The following EPB42 variants were observed in gnomAD, a reference collection of about 807,000 sequenced individuals.
EPB42 encodes the protein erythrocyte membrane protein band 4.2, also known as protein 4.2.
EPB42 carries 49 observed loss-of-function variants against 76.9 expected under a neutral mutation model. The observed-to-expected ratio is 0.64, with a 90% CI of 0.51 to 0.81. EPB42 has a LOEUF of 0.81. Ranked by LOEUF, EPB42 falls within the 30% of genes least tolerant of loss-of-function variation. EPB42 has a pLI of 0.00. For missense variants in EPB42, 731 were observed against 867.6 expected, an observed-to-expected ratio of 0.84 and a Z score of 1.98; for synonymous variants, 310 against 338.4, an observed-to-expected ratio of 0.92 and a Z score of 0.92.
intron 1 of EPB42, among the ~76,000 whole-genome samples, chr15:43,220,406 G>C (rs28723492): frequency 1.3e-5 from 2 of 151,992 alleles, no homozygotes; most frequent in Non-Finnish European, 2.9e-5. Flanking sequence ...TCTCTCATTT[G>C]TATCAGTAAG....
intron 7 of EPB42, 58 bp from the exon 8 acceptor site, chr15:43,208,391 C>A: frequency 6.4e-7 from 1 of 1,563,296 alleles, no homozygotes; most frequent in East Asian, 2.2e-5. Context: ...TGAAGAGGTT[C>A]TGGAAATGCA....
At chr15:43,219,950 A>G (rs1048431489) in intron 1 of EPB42, among the ~76,000 whole-genome samples, 10 of 152,042 alleles carry the variant, frequency 6.6e-5, no homozygotes, top group African/African-American at 2.4e-4. Flanking sequence ...GTTTAAAAAA[A>G]AAAAAAAAAA....
intron 2 of EPB42, 68 bp downstream of exon 2, chr15:43,216,200 A>C: frequency 1.3e-6 from 2 of 1,584,094 alleles, no homozygotes; most frequent in Non-Finnish European, 1.7e-6. Flanking sequence ...ATTCCCTAAC[A>C]GGGTGCTGGA....
intron 5 of EPB42, 108 bp downstream of exon 5, chr15:43,210,227 G>C: frequency 1.1e-6 from 1 of 949,902 alleles, no homozygotes; most frequent in Non-Finnish European, 1.7e-6. Context: ...TGGGAGGAGG[G>C]GGCCATTTGT....
At chr15:43,210,296 C>A in intron 5 of EPB42, 39 bp downstream of exon 5, 1 of 1,585,938 alleles carries the variant, frequency 6.3e-7, no homozygotes, top group South Asian at 1.1e-5. Flanking sequence ...GCTTTTTTCT[C>A]ACCCCTGCCC....
chr15:43,208,722 G>C lies in EPB42; in HGVS notation c.886C>G (p.Gln296Glu). 1 of 1,614,214 alleles carries C rather than the reference G, an allele frequency of 6.2e-7. No individual in the cohort carries two copies. Among genetic ancestry groups the C allele is most frequent in the Non-Finnish European group, 8.5e-7 (1 of 1,180,042 alleles). The change falls in exon 7 of 13, where the codon CAG becomes GAG. Residue 296 changes from glutamine (Q) to glutamate (E), a missense_variant. Physicochemically the swap from Gln to Glu is conservative, Grantham distance 29. Transcript: ENST00000441366. ...ATGAGAAGACGCCCACCGGTGCCCT[G>C]TGCTGAGGCAAACGTGGTCACCACG... Reference protein sequence around the residue: ...ARVVTTFASAQGTGGRLLIDE... With the variant: ...ARVVTTFASAEGTGGRLLIDE...
intron 12 of EPB42, among the ~76,000 whole-genome samples, chr15:43,198,912 G>C (rs57287824): frequency 0.046 from 6,947 of 152,264 alleles, 492 homozygotes; most frequent in African/African-American, 0.14. Context: ...GGTGGAAGCC[G>C]CAAGCCTTGG....
At position 43,220,616 on chromosome 15, in the gene EPB42, TC is replaced by T. The variant is rs568365996; in HGVS notation, c.10+199del. The stretch of plus-strand genomic sequence containing the variant: ...CATCACACCACGCTCCACAGCCAGC[TC>T]ACTATCACCTCTACCAGCACCCACC... On this transcript the variant is annotated intron_variant, in intron 1 of 12. Coordinates refer to ENST00000441366, the MANE Select transcript of EPB42 (RefSeq NM_001114134.2). The T allele has an allele frequency of 2.4e-4, 248 of 1,013,004 alleles. No homozygotes were observed. In the African/African-American group the frequency reaches 3.8e-3, roughly 16 times the overall value. 62.8% of individuals were successfully genotyped at this position (1,013,004 alleles called of 1,614,324 possible).
chr15:43,210,139 C>G (rs1020546355), intron 5 of EPB42, among the ~76,000 whole-genome samples, 196 bp downstream of exon 5: 1 of 152,148 alleles, frequency 6.6e-6, no homozygotes, highest in African/African-American at 2.4e-5. Context: ...CATTTCTTTG[C>G]TTTTCTCCCC....
intron 12 of EPB42, among the ~76,000 whole-genome samples, chr15:43,200,697 G>A (rs958121907): frequency 6.6e-6 from 1 of 152,160 alleles, no homozygotes; most frequent in Non-Finnish European, 1.5e-5. Context: ...CTCATGTGCT[G>A]CTGGAGGGAG....
chr15:43,201,671 A>C (rs2042128155), intron 12 of EPB42, among the ~76,000 whole-genome samples, 173 bp downstream of exon 12: 1 of 152,160 alleles, frequency 6.6e-6, no homozygotes, highest in Non-Finnish European at 1.5e-5. Context: ...CCTCCTGCAG[A>C]TATGGTGGTC....
In EPB42 at chr15:43,197,242, CAT is replaced by C. The variant is rs1018474767; in HGVS notation, c.*58_*59del. The C allele has an allele frequency of 9.3e-6, 15 of 1,608,146 alleles. No individual in the cohort carries two copies. Among genetic ancestry groups the C allele is most frequent in the Admixed American group, 1.7e-5 (1 of 59,812 alleles). On this transcript the variant is annotated 3_prime_UTR_variant, in exon 13 of 13. Coordinates refer to ENST00000441366, the MANE Select transcript of EPB42 (RefSeq NM_001114134.2). ...AGACGCAAAGTTTCTCTTCCTAGCACATGTTTGGTTTAGATTGTAGAACAAGG... is the reference window on the plus strand; with the variant it reads ...AGACGCAAAGTTTCTCTTCCTAGCACGTTTGGTTTAGATTGTAGAACAAGG...
chr15:43,204,973 C>CA (rs955272069), intron 10 of EPB42, among the ~76,000 whole-genome samples: 6 of 145,316 alleles, frequency 4.1e-5, no homozygotes, highest in Non-Finnish European at 9.0e-5. Flanking sequence ...CGCCCCCCCC[C>CA]CAAAAAAAAG....
In EPB42 at chr15:43,214,999, C is replaced by A. The variant is rs1221780634; in HGVS notation, c.430+96G>T. 2.8e-6 allele frequency: 3 copies of A among 1,068,718 alleles called. No individual in the cohort carries two copies. The East Asian group carries it at 7.7e-5, about 27-fold the overall frequency. 66.2% of individuals were successfully genotyped at this position (1,068,718 alleles called of 1,614,324 possible). The stretch of plus-strand genomic sequence containing the variant: ...GTGCTGTCCTTAGAGAGGGCTGCCA[C>A]AGGGGCCTGGTGCAGGTGCTCCCTG... On this transcript the variant is annotated intron_variant, in intron 3 of 12. Transcript: ENST00000441366.
chr15:43,203,974 A>G (rs954960467), intron 10 of EPB42, among the ~76,000 whole-genome samples: 2 of 152,332 alleles, frequency 1.3e-5, no homozygotes, highest in Admixed American at 6.5e-5. Context: ...CATATCCCCA[A>G]GCATAGCACT....
intron 8 of EPB42, 136 bp downstream of exon 8, chr15:43,208,094 C>T (rs1310777409): frequency 1.3e-6 from 1 of 747,582 alleles, no homozygotes; most frequent in African/African-American, 1.7e-5. Flanking sequence ...TTTCTGCTGG[C>T]TGCTGTCATG....
chr15:43,209,532 A>T, intron 5 of EPB42, 81 bp from the exon 6 acceptor site: 5 of 1,439,224 alleles, frequency 3.5e-6, no homozygotes, highest in Non-Finnish European at 4.8e-6. Flanking sequence ...AGGGCTCATC[A>T]CAGTACTCCA....
At chr15:43,208,185 CTCTGTGCAGCCCTGCGTGGT>C in intron 8 of EPB42, 25 bp downstream of exon 8, 1 of 1,568,854 alleles carries the variant, frequency 6.4e-7, no homozygotes, top group South Asian at 1.1e-5. Flanking sequence ...GGGACTTCAG[CTCTGTGCAGCCCTGCGTGGT>C]CCTGGACCCA....
upstream of EPB42, among the ~76,000 whole-genome samples, chr15:43,221,833 A>AT (rs1322539069): frequency 1.3e-5 from 2 of 151,484 alleles, no homozygotes; most frequent in East Asian, 3.8e-4. Flanking sequence ...AAAAAAAAAA[A>AT]AAAAAAAAAA....
Sources: gnomAD v4.1 joint callset for allele counts (sites outside exome capture counted in the v4.1 genomes callset) on GRCh38, gnomAD v4.1.1 for gene constraint, MANE v1.5 for transcripts, NCBI Gene and HGNC (gene_info 2026-07-23, HGNC 2026-07-21) for gene names.